ARHGEF12: variants seen among roughly 807,000 people sequenced by gnomAD.
ARHGEF12 encodes KMT2A/ARHGEF12 fusion protein.
A neutral mutation model predicts 211.2 loss-of-function variants in ARHGEF12; 66 were observed. The ratio of observed to expected loss-of-function variants is 0.31; its 90% CI spans 0.26 to 0.38. The LOEUF (loss-of-function observed/expected upper bound fraction) is 0.38, where lower values mean the gene tolerates loss of function less well. Among genes scored for constraint, ARHGEF12 ranks in the 10% least tolerant of loss-of-function variants. ARHGEF12 has a pLI of 1.00. For missense variants in ARHGEF12, 1,429 were observed against 1,869.5 expected, an observed-to-expected ratio of 0.76 and a Z score of 4.34; for synonymous variants, 592 against 638.4, an observed-to-expected ratio of 0.93 and a Z score of 1.09.
chr11:120,384,878 A>AT (rs36027339), intron 1 of ARHGEF12, among the ~76,000 whole-genome samples: 3,046 of 137,660 alleles, frequency 0.022, 55 homozygotes, highest in African/African-American at 0.048. Flanking sequence ...ACAAAAGGAG[A>AT]TTTTTTTTTT....
intron 4 of ARHGEF12, among the ~76,000 whole-genome samples, chr11:120,415,148 G>C (rs1021323967): frequency 2.0e-5 from 3 of 152,070 alleles, no homozygotes; most frequent in Non-Finnish European, 4.4e-5. Flanking sequence ...ATCAGAAAAA[G>C]TAAAAGTGAT....
chr11:120,468,981 C>T (rs1043635916), intron 29 of ARHGEF12, among the ~76,000 whole-genome samples: 1 of 152,138 alleles, frequency 6.6e-6, no homozygotes, highest in Non-Finnish European at 1.5e-5. Flanking sequence ...GAGACCTGCC[C>T]TTCTGGAGTG....
chr11:120,353,482 G>T (rs1216422926), intron 1 of ARHGEF12, among the ~76,000 whole-genome samples: 1 of 152,080 alleles, frequency 6.6e-6, no homozygotes, highest in Non-Finnish European at 1.5e-5. Context: ...TTGAGATTGT[G>T]GTCTAAAAGG....
intron 1 of ARHGEF12, among the ~76,000 whole-genome samples, chr11:120,349,395 A>G (rs543197425): frequency 1.3e-5 from 2 of 152,122 alleles, no homozygotes; most frequent in African/African-American, 4.8e-5. Flanking sequence ...TTTGTCAGAG[A>G]TAAAAAGTAG....
At chr11:120,446,878 T>C in intron 17 of ARHGEF12, 70 bp from the exon 18 acceptor site, 1 of 1,548,098 alleles carries the variant, frequency 6.5e-7, no homozygotes, top group Non-Finnish European at 8.8e-7. Context: ...GTGAAGACTG[T>C]GATGAAGCGT....
chr11:120,437,631 T>C (rs1945733758), intron 12 of ARHGEF12, among the ~76,000 whole-genome samples: 1 of 152,196 alleles, frequency 6.6e-6, no homozygotes, highest in Non-Finnish European at 1.5e-5. Context: ...CATTTTTAAG[T>C]GTATAGTGGC....
At chr11:120,476,840 A>G (rs974395752) in intron 34 of ARHGEF12, 92 bp downstream of exon 34, 7 of 1,024,186 alleles carry the variant, frequency 6.8e-6, no homozygotes, top group Admixed American at 2.6e-5. Context: ...TTTATAATGT[A>G]TGGAAACCAA....
At chr11:120,465,954 G>A (rs979640693) in intron 28 of ARHGEF12, among the ~76,000 whole-genome samples, 6 of 152,228 alleles carry the variant, frequency 3.9e-5, no homozygotes, top group Admixed American at 3.9e-4. Flanking sequence ...GTCAAAGCAT[G>A]AGAATGGGTT....
chr11:120,434,996 G>T (rs962048066), intron 11 of ARHGEF12, among the ~76,000 whole-genome samples: 59 of 152,130 alleles, frequency 3.9e-4, no homozygotes, highest in Middle Eastern at 3.4e-3. Flanking sequence ...GAGATAAGAA[G>T]TTTTTAAAAT....
intron 1 of ARHGEF12, chr11:120,337,550 G>A: frequency 1.0e-6 from 1 of 985,376 alleles, no homozygotes; most frequent in Non-Finnish European, 1.2e-6. Context: ...GTGTGCATTA[G>A]GATTGTGTAC....
chr11:120,389,413 T>G (rs749256379), intron 1 of ARHGEF12, among the ~76,000 whole-genome samples: 13 of 152,236 alleles, frequency 8.5e-5, no homozygotes, highest in Non-Finnish European at 1.8e-4. Flanking sequence ...TCTAGTTTTA[T>G]AGTTTTGGGT....
Position 120,465,425 on chromosome 11 carries a change from C to G in ARHGEF12, c.2739+63C>G, listed in dbSNP as rs1946674274. ...AAGTTTTTATCAATTATCAGATAAACTGGGGGAATTCTGACTAAGACTTTT... is the reference window on the plus strand; with the variant it reads ...AAGTTTTTATCAATTATCAGATAAAGTGGGGGAATTCTGACTAAGACTTTT... On this transcript the variant is annotated intron_variant, in intron 28 of 40. Coordinates refer to ENST00000397843, the MANE Select transcript of ARHGEF12 (RefSeq NM_015313.3). 5 of 1,589,628 alleles carry G rather than the reference C, an allele frequency of 3.1e-6. No homozygotes were observed. The Admixed American group carries it at 6.8e-5, about 22-fold the overall frequency.
rs191191451 is a variant in ARHGEF12, at chr11:120,392,638, T to C, written c.33-13480T>C. 6.9e-4 allele frequency among the ~76,000 whole-genome samples: 105 copies of C among 152,304 alleles called. 1 individual carries two copies. The highest frequency in any genetic ancestry group is 1.1e-3 in the Non-Finnish European group (74 of 68,014). On this transcript the variant is annotated intron_variant, in intron 1 of 40. Coordinates refer to ENST00000397843, the MANE Select transcript of ARHGEF12 (RefSeq NM_015313.3). ...TTCAGAGATTTTTGATTTAGGGACGTAACTATGTCAAGGGCTCAGATGCTT... is the reference window on the plus strand; with the variant it reads ...TTCAGAGATTTTTGATTTAGGGACGCAACTATGTCAAGGGCTCAGATGCTT...
intron 21 of ARHGEF12, 84 bp from the exon 22 acceptor site, chr11:120,451,428 T>C (rs1466612083): frequency 7.6e-7 from 1 of 1,309,838 alleles, no homozygotes. Flanking sequence ...TCGCCCACCT[T>C]GGCCTCCCAA....
At chr11:120,395,380 A>G (rs1411896481) in intron 1 of ARHGEF12, among the ~76,000 whole-genome samples, 2 of 152,204 alleles carry the variant, frequency 1.3e-5, no homozygotes, top group African/African-American at 4.8e-5. Context: ...AAAGGAGCTA[A>G]GCAAGAGAGA....
intron 1 of ARHGEF12, among the ~76,000 whole-genome samples, chr11:120,404,156 A>G (rs1295144511): frequency 6.6e-6 from 1 of 152,204 alleles, no homozygotes; most frequent in Non-Finnish European, 1.5e-5. Context: ...TGATAACTCA[A>G]ATCTGCAACT....
chr11:120,393,234 T>A (rs1034005873), intron 1 of ARHGEF12, among the ~76,000 whole-genome samples: 2 of 150,120 alleles, frequency 1.3e-5, no homozygotes, highest in Non-Finnish European at 3.0e-5. Flanking sequence ...ATATTAAAAT[T>A]GTTTTAAAAA....
chr11:120,479,150 G>T (rs1048425584), intron 37 of ARHGEF12, among the ~76,000 whole-genome samples: 5 of 152,152 alleles, frequency 3.3e-5, no homozygotes, highest in African/African-American at 1.2e-4. Flanking sequence ...TGAAACTTTA[G>T]AGAGAGGTTA....
intron 1 of ARHGEF12, among the ~76,000 whole-genome samples, chr11:120,376,718 CTG>C (rs1274106873): frequency 6.6e-6 from 1 of 152,056 alleles, no homozygotes. Context: ...TGTAATCACT[CTG>C]TTATATCAAA....
Sources: allele counts gnomAD v4.1 joint callset (sites outside exome capture counted in the v4.1 genomes callset), GRCh38; gene constraint gnomAD v4.1.1; transcripts MANE v1.5; gene names NCBI Gene and HGNC (gene_info 2026-07-23, HGNC 2026-07-21).